Variants in PTPRC observed in about 807,000 individuals in gnomAD.
PTPRC encodes receptor-type tyrosine-protein phosphatase C.
Under a neutral mutation model 155.9 loss-of-function variants are expected in PTPRC, and 44 were observed. The observed-to-expected ratio is 0.28, with a 90% CI of 0.22 to 0.36. The LOEUF (loss-of-function observed/expected upper bound fraction) is 0.36. Among genes scored for constraint, PTPRC ranks in the 10% least tolerant of loss-of-function variants. PTPRC has a pLI of 1.00. For synonymous variants in PTPRC, 525 were observed against 533.1 expected, an observed-to-expected ratio of 0.98 and a Z score of 0.21; for missense variants, 1,401 against 1,564.6, an observed-to-expected ratio of 0.90 and a Z score of 1.76.
intron 31 of PTPRC, 85 bp downstream of exon 31, chr1:198,752,857 T>A: frequency 6.9e-7 from 1 of 1,441,538 alleles, no homozygotes; most frequent in Non-Finnish European, 9.6e-7. Flanking sequence ...GTTATCCTCA[T>A]ATATGAAACA....
rs148176733 is a variant in PTPRC, at chr1:198,714,652, C to T, written c.1291+1580C>T. 3.3e-4 allele frequency among the ~76,000 whole-genome samples: 50 copies of T among 152,302 alleles called. No individual in the cohort carries two copies. In the East Asian group the frequency reaches 7.9e-3, roughly 24 times the overall value. On this transcript the variant is annotated intron_variant, in intron 12 of 32. Coordinates refer to ENST00000442510, the MANE Select transcript of PTPRC (RefSeq NM_002838.5). ...CAGCTCTACTCTAAACAGCGTGCTC[C>T]GCTTTTGTTTTCTCCTTCATCTCAA...
At chr1:198,668,567 T>G (rs570105570) in intron 2 of PTPRC, among the ~76,000 whole-genome samples, 1 of 152,292 alleles carries the variant, frequency 6.6e-6, no homozygotes, top group South Asian at 2.1e-4. Context: ...CAGTATGAGA[T>G]AGCATAAGTA....
At chr1:198,696,618 T>C (rs1340758034) in intron 3 of PTPRC, 94 bp from the exon 4 acceptor site, 2 of 997,564 alleles carry the variant, frequency 2.0e-6, no homozygotes, top group Non-Finnish European at 3.2e-6. Context: ...CACACTATAG[T>C]GGACTGGGGA....
At chr1:198,729,228 A>ATTTT in intron 17 of PTPRC, 57 bp downstream of exon 17, 1 of 1,491,222 alleles carries the variant, frequency 6.7e-7, no homozygotes, top group East Asian at 2.5e-5. Flanking sequence ...GAATCCATTC[A>ATTTT]TTTTATTTAT....
intron 7 of PTPRC, chr1:198,703,683 C>T (rs1666585601): frequency 2.4e-6 from 1 of 420,662 alleles, no homozygotes; most frequent in East Asian, 4.8e-5. Flanking sequence ...ATCAAAGGGG[C>T]TGTCCATTGC....
At chr1:198,704,587 T>C in intron 8 of PTPRC, 89 bp downstream of exon 8, 2 of 1,608,928 alleles carry the variant, frequency 1.2e-6, no homozygotes, top group Non-Finnish European at 1.7e-6. Context: ...CAGGACCCAC[T>C]AGTAAGCTAA....
chr1:198,656,751 G>T (rs1011111029), intron 2 of PTPRC, among the ~76,000 whole-genome samples: 7 of 151,692 alleles, frequency 4.6e-5, no homozygotes, highest in African/African-American at 1.7e-4. Flanking sequence ...TGGCGTGGGG[G>T]AGCGGGTGAA....
At chr1:198,666,011 G>C (rs780835989) in intron 2 of PTPRC, among the ~76,000 whole-genome samples, 1 of 152,000 alleles carries the variant, frequency 6.6e-6, no homozygotes, top group Non-Finnish European at 1.5e-5. Flanking sequence ...GAGGCCAAGG[G>C]GGGAGAATCA....
chr1:198,734,404 T>G lies in PTPRC; in HGVS notation c.2256T>G (p.Thr752=). Residue 752 remains threonine (T), a synonymous_variant, in exon 22 of 33, where the codon ACT becomes ACG. Coordinates refer to ENST00000442510, the MANE Select transcript of PTPRC (RefSeq NM_002838.5). ...AAGCCACAGTTATTGTCATGGTCACTCGATGTGAAGAAGGAAACAGGGTAA... is the reference window on the plus strand; with the variant it reads ...AAGCCACAGTTATTGTCATGGTCACGCGATGTGAAGAAGGAAACAGGGTAA... ...EQKATVIVMV[T]RCEEGNRNKC... 1 of 1,611,046 alleles carries G rather than the reference T, an allele frequency of 6.2e-7. No homozygotes were observed. Among genetic ancestry groups the G allele is most frequent in the Non-Finnish European group, 8.5e-7 (1 of 1,177,830 alleles).
intron 2 of PTPRC, among the ~76,000 whole-genome samples, chr1:198,682,062 C>G (rs3767744): frequency 0.032 from 4,878 of 152,276 alleles, 130 homozygotes; most frequent in East Asian, 0.12. Context: ...AGAAGTACAC[C>G]GAAGAGAAGA....
chr1:198,746,983 A>T (rs1655162286), intron 26 of PTPRC, among the ~76,000 whole-genome samples: 2 of 151,818 alleles, frequency 1.3e-5, no homozygotes, highest in African/African-American at 2.4e-5. Context: ...ATGCTGAAAA[A>T]ATATATGTCT....
chr1:198,751,105 T>C (rs1319061449), intron 29 of PTPRC, among the ~76,000 whole-genome samples: 1 of 152,120 alleles, frequency 6.6e-6, no homozygotes, highest in South Asian at 2.1e-4. Context: ...TCTAAACTTA[T>C]TGATATTCCA....
At chr1:198,642,398 A>ATCTG (rs1262935141) in intron 2 of PTPRC, among the ~76,000 whole-genome samples, 1 of 151,490 alleles carries the variant, frequency 6.6e-6, no homozygotes, top group Middle Eastern at 3.4e-3. Context: ...CTATCTATCT[A>ATCTG]TCAGTTCTCC....
intron 16 of PTPRC, among the ~76,000 whole-genome samples, chr1:198,728,918 C>A (rs1654264439): frequency 6.6e-6 from 1 of 151,998 alleles, no homozygotes; most frequent in Admixed American, 6.6e-5. Flanking sequence ...ACCCTCCTCT[C>A]TCCTCTCTGA....
chr1:198,694,354 C>G (rs1666091140), intron 3 of PTPRC: 2 of 940,434 alleles, frequency 2.1e-6, no homozygotes, highest in Non-Finnish European at 2.9e-6. Flanking sequence ...TCTGCCTCCC[C>G]CAGTCCACTG....
At chr1:198,741,349 G>C (rs1654889661) in intron 23 of PTPRC, among the ~76,000 whole-genome samples, 1 of 151,912 alleles carries the variant, frequency 6.6e-6, no homozygotes, top group South Asian at 2.1e-4. Context: ...CCATGTGAAG[G>C]CCTAAGGAAT....
chr1:198,735,567 T>C (rs1654597729), intron 23 of PTPRC, among the ~76,000 whole-genome samples: 1 of 143,962 alleles, frequency 6.9e-6, no homozygotes, highest in Admixed American at 7.1e-5. Flanking sequence ...ATAAGCAATT[T>C]GTCTTCATTG....
chr1:198,640,246 T>C (rs990824569), intron 2 of PTPRC, among the ~76,000 whole-genome samples: 2 of 152,010 alleles, frequency 1.3e-5, no homozygotes, highest in African/African-American at 4.8e-5. Context: ...AATATTTCTC[T>C]TTATGATGTA....
chr1:198,682,863 A>G (rs1414977028), intron 2 of PTPRC, among the ~76,000 whole-genome samples: 1 of 152,176 alleles, frequency 6.6e-6, no homozygotes, highest in Admixed American at 6.5e-5. Flanking sequence ...GTCATTGTCC[A>G]GCAATTTACA....
Sources: allele counts gnomAD v4.1 joint callset (sites outside exome capture counted in the v4.1 genomes callset), GRCh38; gene constraint gnomAD v4.1.1; transcripts MANE v1.5; gene names NCBI Gene and HGNC (gene_info 2026-07-23, HGNC 2026-07-21).